Variants in BRD7 observed in about 807,000 individuals in gnomAD.
BRD7 encodes bromodomain-containing protein 7.
In BRD7, 15 loss-of-function variants were observed where a neutral mutation model predicts 82.1. The ratio of observed to expected loss-of-function variants is 0.18; its 90% CI spans 0.12 to 0.28. The LOEUF (loss-of-function observed/expected upper bound fraction) is 0.28, where lower values mean the gene tolerates loss of function less well. Ranked by LOEUF, BRD7 falls within the 10% of genes least tolerant of loss-of-function variation. The pLI is 1.00. For missense variants in BRD7, 638 were observed against 779.9 expected (o/e 0.82, Z 2.17); for synonymous variants, 232 against 266.9 (o/e 0.87, Z 1.27).
intron 2 of BRD7, among the ~76,000 whole-genome samples, chr16:50,361,417 C>T (rs2038930943): frequency 6.6e-6 from 1 of 152,072 alleles, no homozygotes. Flanking sequence ...TGTGAGTGGC[C>T]TAACTTCTTT....
At position 50,320,734 on chromosome 16, in the gene BRD7, G is replaced by C; in HGVS notation, c.1541C>G (p.Thr514Ser). The change falls in exon 14 of 17, where the codon ACT becomes AGT. Residue 514 changes from threonine (T) to serine (S), a missense_variant. Coordinates refer to ENST00000394688, the MANE Select transcript of BRD7 (RefSeq NM_013263.5). ...TTTCAGCGCTATGAGCCTGTCTTGA[G>C]TACTGGAGTCCAAACGCCCTGGTGG... is the stretch of plus-strand genomic sequence containing the variant. ...VEPPGRLDSS[T>S]QDRLIALKAV... 6.2e-7 allele frequency: 1 copy of C among 1,614,188 alleles called. No individual in the cohort carries two copies. Among genetic ancestry groups the C allele is most frequent in the Non-Finnish European group, 8.5e-7 (1 of 1,180,024 alleles).
chr16:50,328,920 G>A (rs2037449030), intron 8 of BRD7, among the ~76,000 whole-genome samples, 176 bp from the exon 9 acceptor site: 1 of 152,128 alleles, frequency 6.6e-6, no homozygotes, highest in Admixed American at 6.5e-5. Flanking sequence ...ATTCATTTAT[G>A]TTTCATATAC....
At chr16:50,324,942 C>G (rs531066972) in intron 11 of BRD7, among the ~76,000 whole-genome samples, 1 of 152,300 alleles carries the variant, frequency 6.6e-6, no homozygotes, top group African/African-American at 2.4e-5. Flanking sequence ...GACTTAAGGA[C>G]CTCTACCTTG....
intron 2 of BRD7, among the ~76,000 whole-genome samples, chr16:50,355,462 A>G (rs767856424): frequency 9.2e-5 from 14 of 152,244 alleles, no homozygotes; most frequent in Non-Finnish European, 2.1e-4. Flanking sequence ...CTTACCAGAT[A>G]TTATTTGTAT....
At chr16:50,334,929 T>G (rs767575181) in intron 6 of BRD7, 34 bp from the exon 7 acceptor site, 2 of 1,593,314 alleles carry the variant, frequency 1.3e-6, no homozygotes, top group Non-Finnish European at 1.7e-6. Context: ...TATTATATGT[T>G]TGTCATTAAC....
At chr16:50,349,390 T>TA (rs879587633) in intron 5 of BRD7, 8,244 of 265,944 alleles carry the variant, frequency 0.031, 2 homozygotes, top group South Asian at 0.05. Flanking sequence ...GAACTTAAAT[T>TA]AAAAAAAAAA....
rs2036923175 is a variant in BRD7, at chr16:50,318,457, T to C, written c.*754A>G. The C allele has an allele frequency of 6.6e-6, 1 of 152,212 alleles. No homozygotes were observed. The highest frequency in any genetic ancestry group is 6.5e-5 in the Admixed American group (1 of 15,286). 9.4% of individuals were successfully genotyped at this position (152,212 alleles called of 1,614,324 possible). On this transcript the variant is annotated 3_prime_UTR_variant, in exon 17 of 17. Coordinates refer to ENST00000394688, the MANE Select transcript of BRD7 (RefSeq NM_013263.5). ...TTTCCCTTGTGTATAACAGGTTCTA[T>C]ACCGATTCAGCAAAATCACCATTTA... is the stretch of plus-strand genomic sequence containing the variant.
chr16:50,320,605 G>A (rs558948948), intron 14 of BRD7, 58 bp downstream of exon 14: 5 of 1,461,352 alleles, frequency 3.4e-6, no homozygotes, highest in Non-Finnish European at 4.8e-6. Flanking sequence ...TATGAGACAT[G>A]AAATCTTGAC....
intron 8 of BRD7, among the ~76,000 whole-genome samples, chr16:50,332,775 C>G (rs2037623448): frequency 6.6e-6 from 1 of 152,196 alleles, no homozygotes; most frequent in Non-Finnish European, 1.5e-5. Flanking sequence ...GCGGTACACA[C>G]ACACACCATG....
At chr16:50,328,172 G>A (rs932970807) in intron 9 of BRD7, among the ~76,000 whole-genome samples, 8 of 152,066 alleles carry the variant, frequency 5.3e-5, no homozygotes, top group Non-Finnish European at 8.8e-5. Context: ...ATATGACTGA[G>A]GTTCTAAAGA....
intron 5 of BRD7, among the ~76,000 whole-genome samples, chr16:50,343,460 G>A (rs1190223625): frequency 1.3e-5 from 2 of 152,184 alleles, no homozygotes; most frequent in Admixed American, 6.5e-5. Context: ...GGGGCTTGTC[G>A]GACAGTGGGT....
chr16:50,349,990 C>A, intron 5 of BRD7, 33 bp downstream of exon 5: 3 of 1,481,196 alleles, frequency 2.0e-6, no homozygotes, highest in South Asian at 1.4e-5. Flanking sequence ...AGATTTCTAC[C>A]AAGATTTTGT....
chr16:50,326,507 G>A (rs965053608), intron 9 of BRD7, 116 bp from the exon 10 acceptor site: 12 of 584,382 alleles, frequency 2.1e-5, no homozygotes, highest in African/African-American at 5.7e-5. Flanking sequence ...CGTGAAGGAG[G>A]CTGGGAAGCG....
At chr16:50,334,637 C>T in intron 7 of BRD7, 74 bp downstream of exon 7, 1 of 1,535,354 alleles carries the variant, frequency 6.5e-7, no homozygotes, top group Non-Finnish European at 8.8e-7. Flanking sequence ...CCAAGTCAGG[C>T]CCCGAATAAG....
At chr16:50,328,523 T>G in intron 9 of BRD7, 146 bp downstream of exon 9, 4 of 592,234 alleles carry the variant, frequency 6.8e-6, no homozygotes, top group African/African-American at 1.9e-5. Flanking sequence ...GCTGTTACCA[T>G]GAAATACATG....
intron 5 of BRD7, among the ~76,000 whole-genome samples, chr16:50,343,973 G>C (rs1344116614): frequency 6.6e-6 from 1 of 152,172 alleles, no homozygotes; most frequent in Non-Finnish European, 1.5e-5. Flanking sequence ...CCTGAAGTGA[G>C]TCCCTGACCC....
In BRD7 at chr16:50,317,917, C is replaced by CAA. The variant is rs1555527791; in HGVS notation, c.*1293_*1294insTT. On this transcript the variant is annotated 3_prime_UTR_variant, in exon 17 of 17. Transcript: ENST00000394688. ...CCTAACAAACAAACAAACAAACAAA[C>CAA]AGAAGAGAAGATCATTAACCACTGT... The CAA allele has an allele frequency of 6.6e-6, 1 of 151,018 alleles. No individual in the cohort carries two copies. Among genetic ancestry groups the CAA allele is most frequent in the Non-Finnish European group, 1.5e-5 (1 of 67,472 alleles). 9.4% of individuals were successfully genotyped at this position (151,018 alleles called of 1,614,324 possible). A position where few individuals can be genotyped will look rare whatever the true frequency, so the allele number is the denominator to read the frequency against.
At chr16:50,352,117 A>C (rs2038550296) in intron 4 of BRD7, among the ~76,000 whole-genome samples, 1 of 152,162 alleles carries the variant, frequency 6.6e-6, no homozygotes, top group Admixed American at 6.5e-5. Context: ...TACTTCTATG[A>C]ATCAACTTTT....
chr16:50,348,633 T>C (rs1362671952), intron 5 of BRD7, among the ~76,000 whole-genome samples: 2 of 152,172 alleles, frequency 1.3e-5, no homozygotes, highest in Admixed American at 6.5e-5. Context: ...AAAGAAGACA[T>C]TCATGCAGAA....
Sources: allele counts gnomAD v4.1 joint callset (sites outside exome capture counted in the v4.1 genomes callset), GRCh38; gene constraint gnomAD v4.1.1; transcripts MANE v1.5; gene names NCBI Gene and HGNC (gene_info 2026-07-23, HGNC 2026-07-21).